Variants in CALCRL observed in about 807,000 individuals in gnomAD.
The protein encoded by CALCRL is calcitonin receptor like receptor.
Under a neutral mutation model 60.4 loss-of-function variants are expected in CALCRL, and 27 were observed. That is an observed-to-expected ratio of 0.45 (90% CI 0.33 to 0.62). The LOEUF (loss-of-function observed/expected upper bound fraction) is 0.62. Ranked by LOEUF, CALCRL falls within the 20% of genes least tolerant of loss-of-function variation. CALCRL has a pLI of 0.03. For synonymous variants in CALCRL, 190 were observed against 182.6 expected, an observed-to-expected ratio of 1.04 and a Z score of -0.33; for missense variants, 424 against 540.7, an observed-to-expected ratio of 0.78 and a Z score of 2.14.
chr2:187,377,115 T>TTTGA (rs1687789403), intron 8 of CALCRL, among the ~76,000 whole-genome samples: 1 of 152,162 alleles, frequency 6.6e-6, no homozygotes, highest in South Asian at 2.1e-4. Flanking sequence ...AGTTAATGAT[T>TTTGA]TTGATTTTAT....
At chr2:187,442,540 T>C (rs1298908533) in intron 1 of CALCRL, among the ~76,000 whole-genome samples, 1 of 151,826 alleles carries the variant, frequency 6.6e-6, no homozygotes, top group East Asian at 1.9e-4. Context: ...TTTTGAAATA[T>C]AATAAATAAG....
At chr2:187,373,611 G>A (rs1232985843) in intron 8 of CALCRL, among the ~76,000 whole-genome samples, 6 of 152,144 alleles carry the variant, frequency 3.9e-5, no homozygotes, top group East Asian at 3.9e-4. Context: ...TTCAAACCTC[G>A]TAATGGACTA....
intron 9 of CALCRL, among the ~76,000 whole-genome samples, chr2:187,362,656 A>G (rs1428300014): frequency 6.6e-6 from 1 of 152,110 alleles, no homozygotes; most frequent in African/African-American, 2.4e-5. Context: ...ATGTATGTTT[A>G]TGTATGCAGA....
chr2:187,426,484 A>G (rs903139384), intron 1 of CALCRL, among the ~76,000 whole-genome samples: 14 of 152,028 alleles, frequency 9.2e-5, no homozygotes, highest in Non-Finnish European at 2.1e-4. Flanking sequence ...GTTGATAATA[A>G]TAGTGGCTAA....
intron 1 of CALCRL, among the ~76,000 whole-genome samples, chr2:187,391,377 A>C (rs981968229): frequency 7.2e-5 from 11 of 152,170 alleles, no homozygotes; most frequent in African/African-American, 2.7e-4. Context: ...TACATCATGA[A>C]ATATAATAGT....
chr2:187,391,835 C>T (rs1317849735), intron 1 of CALCRL, among the ~76,000 whole-genome samples: 1 of 151,932 alleles, frequency 6.6e-6, no homozygotes, highest in Non-Finnish European at 1.5e-5. Context: ...ATCTGAAATA[C>T]CTTTTGAAAT....
At chr2:187,413,617 A>G (rs988009471) in intron 1 of CALCRL, among the ~76,000 whole-genome samples, 1 of 152,162 alleles carries the variant, frequency 6.6e-6, no homozygotes, top group African/African-American at 2.4e-5. Flanking sequence ...CTTATAGAAA[A>G]ACTCTGCAAA....
intron 1 of CALCRL, among the ~76,000 whole-genome samples, chr2:187,431,019 C>T (rs1559076703): frequency 1.3e-5 from 2 of 151,982 alleles, no homozygotes; most frequent in Non-Finnish European, 2.9e-5. Flanking sequence ...TTAACACTCC[C>T]GGTAGTCTGG....
At chr2:187,364,198 G>A (rs183323418) in intron 8 of CALCRL, among the ~76,000 whole-genome samples, 410 of 152,126 alleles carry the variant, frequency 2.7e-3, no homozygotes, top group South Asian at 0.013. Context: ...TAGATTTCAA[G>A]AAAAAGTGTC....
rs1574195399 is a variant in CALCRL, at chr2:187,343,429, A to T, written c.*2755T>A. 1 of 152,054 alleles carries T rather than the reference A, an allele frequency of 6.6e-6. No individual in the cohort carries two copies. The highest frequency in any genetic ancestry group is 1.5e-5 in the Non-Finnish European group (1 of 67,530). The allele number at this position is 152,054 out of a possible 1,614,324, so 9.4% of individuals were successfully genotyped here. ...GATAACTAGTGGTTTCTACTAGCAG[A>T]TTAAAACCAAGAGAAAATTAAAAGT... On this transcript the variant is annotated 3_prime_UTR_variant, in exon 15 of 15. Coordinates refer to ENST00000392370, the MANE Select transcript of CALCRL (RefSeq NM_005795.6).
chr2:187,430,564 C>G (rs911706466), intron 1 of CALCRL, among the ~76,000 whole-genome samples: 2 of 152,134 alleles, frequency 1.3e-5, no homozygotes, highest in South Asian at 2.1e-4. Context: ...ACATAAATAA[C>G]AAGACAAACA....
chr2:187,345,714 A>T lies in CALCRL; in HGVS notation c.*470T>A, dbSNP rs1480028302. The T allele has an allele frequency of 6.6e-6, 1 of 152,210 alleles. No homozygotes were observed. The highest frequency in any genetic ancestry group is 2.4e-5 in the African/African-American group (1 of 41,400). The allele number at this position is 152,210 out of a possible 1,614,324, so 9.4% of individuals were successfully genotyped here. On this transcript the variant is annotated 3_prime_UTR_variant, in exon 15 of 15. Transcript: ENST00000392370. Reference sequence around the variant, plus strand: ...AAAAAAAAAGTCAACTGCCCCAATCAAGATGGGATAAAGAGTTTTAAAACT... The same window carrying T: ...AAAAAAAAAGTCAACTGCCCCAATCTAGATGGGATAAAGAGTTTTAAAACT...
intron 1 of CALCRL, among the ~76,000 whole-genome samples, chr2:187,433,646 C>T (rs865872729): frequency 2.0e-5 from 3 of 151,922 alleles, no homozygotes; most frequent in Non-Finnish European, 4.4e-5. Flanking sequence ...ACAATAAAAT[C>T]CTAATCAACT....
chr2:187,433,719 T>C (rs541093883), intron 1 of CALCRL, among the ~76,000 whole-genome samples: 1 of 152,194 alleles, frequency 6.6e-6, no homozygotes, highest in Non-Finnish European at 1.5e-5. Flanking sequence ...TTTCTTGATA[T>C]AATGTTGCCA....
chr2:187,360,051 T>C (rs1686981354), intron 10 of CALCRL, among the ~76,000 whole-genome samples: 2 of 152,224 alleles, frequency 1.3e-5, no homozygotes, highest in Middle Eastern at 3.4e-3. Context: ...ATTCTAGTTA[T>C]TTTTAATATG....
chr2:187,419,755 T>A (rs1237224916), intron 1 of CALCRL, among the ~76,000 whole-genome samples: 2 of 152,210 alleles, frequency 1.3e-5, no homozygotes, highest in Non-Finnish European at 2.9e-5. Flanking sequence ...AAATGCTTAC[T>A]GAATATGAAG....
intron 8 of CALCRL, among the ~76,000 whole-genome samples, chr2:187,371,455 C>T (rs1190796154): frequency 6.6e-6 from 1 of 151,986 alleles, no homozygotes; most frequent in Non-Finnish European, 1.5e-5. Flanking sequence ...CAGTCCTTGT[C>T]AAACCTCTGA....
At chr2:187,381,697 G>A (rs1448502049) in intron 5 of CALCRL, among the ~76,000 whole-genome samples, 5 of 151,960 alleles carry the variant, frequency 3.3e-5, no homozygotes, top group Admixed American at 2.0e-4. Flanking sequence ...CTCTTGATCC[G>A]CCCTCCTCGG....
At chr2:187,387,269 A>C (rs564721976) in intron 3 of CALCRL, 60 bp downstream of exon 3, 1 of 152,738 alleles carries the variant, frequency 6.5e-6, no homozygotes, top group Admixed American at 6.5e-5. Flanking sequence ...ATTCAATGAC[A>C]GCACACTATT....
Sources: allele counts gnomAD v4.1 joint callset (sites outside exome capture counted in the v4.1 genomes callset), GRCh38; gene constraint gnomAD v4.1.1; transcripts MANE v1.5; gene names NCBI Gene and HGNC (gene_info 2026-07-23, HGNC 2026-07-21).